The following HABP2 variants were observed in gnomAD, a reference collection of about 807,000 sequenced individuals.
The protein encoded by HABP2 is hyaluronan binding protein 2.
In HABP2, 65 loss-of-function variants were observed where a neutral mutation model predicts 66.5. That is an observed-to-expected ratio of 0.98 (90% CI 0.80 to 1.20). The LOEUF (loss-of-function observed/expected upper bound fraction) is 1.20, where lower values mean the gene tolerates loss of function less well. Ranked by LOEUF, HABP2 falls within the 50% of genes most tolerant of loss-of-function variation. The probability of loss-of-function intolerance (pLI) is 0.00; values close to 1 mark genes in which losing one functional copy is unlikely to be tolerated. For synonymous variants in HABP2, 263 were observed against 253.9 expected (o/e 1.04, Z -0.34); for missense variants, 786 against 691.0 (o/e 1.14, Z -1.54).
Position 113,577,961 on chromosome 10 carries a change from T to C in HABP2, c.449-65T>C, listed in dbSNP as rs747980965. The C allele has an allele frequency of 8.9e-5, 141 of 1,580,644 alleles. 1 individual carries two copies. The highest frequency in any genetic ancestry group is 1.2e-4 in the Non-Finnish European group (137 of 1,163,506). ...GTAGAATGCCACCAATGTCTCCTTG[T>C]CATCTCAGACATGGGCTGCAACTCC... is the stretch of plus-strand genomic sequence containing the variant. On this transcript the variant is annotated intron_variant, in intron 5 of 12. Transcript: ENST00000351270.
In HABP2 at chr10:113,580,702, A is replaced by G; in HGVS notation, c.838+10A>G. ...GCCTGCTCAGCCCAGGGTAAAGGCCATGGCTGTTCAGAAGCCCAGGGGGTG... is the reference window on the plus strand; with the variant it reads ...GCCTGCTCAGCCCAGGGTAAAGGCCGTGGCTGTTCAGAAGCCCAGGGGGTG... On this transcript the variant is annotated intron_variant, in intron 8 of 12. Transcript: ENST00000351270. 1 of 1,417,986 alleles carries G rather than the reference A, an allele frequency of 7.1e-7. No individual in the cohort carries two copies. Among genetic ancestry groups the G allele is most frequent in the African/African-American group, 1.4e-5 (1 of 71,020 alleles). The allele number at this position is 1,417,986 out of a possible 1,614,324, so 87.8% of individuals were successfully genotyped here. A position where few individuals can be genotyped will look rare whatever the true frequency, so the allele number is the denominator to read the frequency against.
chr10:113,571,958 T>C (rs1322040720), intron 2 of HABP2, among the ~76,000 whole-genome samples: 1 of 152,112 alleles, frequency 6.6e-6, no homozygotes, highest in Non-Finnish European at 1.5e-5. Context: ...CAAAATAAGG[T>C]TTAATCCTAG....
chr10:113,580,762 C>T lies in HABP2; in HGVS notation c.838+70C>T, dbSNP rs150362139. 8.2e-4 allele frequency: 655 copies of T among 800,598 alleles called. 11 individuals are homozygous for T. In the East Asian group the frequency reaches 0.014, roughly 17 times the overall value. The allele number at this position is 800,598 out of a possible 1,614,324, so 49.6% of individuals were successfully genotyped here. The stretch of plus-strand genomic sequence containing the variant: ...GAGATTTGTAGGGAGATGTCCCTGG[C>T]ACCTGGTCCCTCCCTCACCCTGTTC... On this transcript the variant is annotated intron_variant, in intron 8 of 12. Coordinates refer to ENST00000351270, the MANE Select transcript of HABP2 (RefSeq NM_004132.5).
chr10:113,575,565 C>T (rs761628161), intron 3 of HABP2, among the ~76,000 whole-genome samples: 37 of 152,230 alleles, frequency 2.4e-4, no homozygotes, highest in Middle Eastern at 6.8e-3. Flanking sequence ...CCCTGTGGCA[C>T]TCCCAGCAAG....
At chr10:113,569,603 G>A (rs1329885454) in intron 2 of HABP2, 1 of 152,378 alleles carries the variant, frequency 6.6e-6, no homozygotes, top group Non-Finnish European at 1.5e-5. Flanking sequence ...GGTGGAGGAG[G>A]TAGCCAGCAA....
chr10:113,564,850 C>CTTTTT (rs372619511), intron 1 of HABP2, among the ~76,000 whole-genome samples: 2 of 150,426 alleles, frequency 1.3e-5, no homozygotes. Flanking sequence ...GCATCTCTCT[C>CTTTTT]TTTTGTTTTT....
At chr10:113,576,758 G>A (rs1845418677) in intron 4 of HABP2, among the ~76,000 whole-genome samples, 1 of 152,096 alleles carries the variant, frequency 6.6e-6, no homozygotes, top group Admixed American at 6.5e-5. Context: ...AAATTTTTCA[G>A]GATGGTTGAG....
intron 1 of HABP2, among the ~76,000 whole-genome samples, chr10:113,558,027 C>G (rs113699490): frequency 1.3e-5 from 2 of 152,216 alleles, no homozygotes; most frequent in African/African-American, 2.4e-5. Context: ...GATCATCATG[C>G]CTGGCACTGC....
In HABP2 at chr10:113,584,282, G is replaced by T; in HGVS notation, c.1372G>T (p.Gly458Ter). The change falls in exon 11 of 13, where the codon GGA becomes TGA. Residue 458 changes from glycine to a stop codon, truncating the protein, a stop_gained and splice_region_variant. Coordinates refer to ENST00000351270, the MANE Select transcript of HABP2 (RefSeq NM_004132.5). LOFTEE classifies it high-confidence loss of function. ...CTCTGGCTGGGGTGTTACAGAAACAGGTGAGTCGGCCATGCACTCTCCCAT... is the reference window on the plus strand; with the variant it reads ...CTCTGGCTGGGGTGTTACAGAAACATGTGAGTCGGCCATGCACTCTCCCAT... ...HISGWGVTET[G>*]KGSRQLLDAK... The T allele has an allele frequency of 6.2e-7, 1 of 1,613,958 alleles. No homozygotes were observed. The highest frequency in any genetic ancestry group is 8.5e-7 in the Non-Finnish European group (1 of 1,179,818).
At chr10:113,579,330 G>A (rs1033850696) in intron 7 of HABP2, among the ~76,000 whole-genome samples, 1 of 152,150 alleles carries the variant, frequency 6.6e-6, no homozygotes, top group African/African-American at 2.4e-5. Flanking sequence ...GATGATGGCA[G>A]GGGATTCAGC....
chr10:113,577,541 G>A (rs557791515), intron 5 of HABP2, among the ~76,000 whole-genome samples: 1 of 152,310 alleles, frequency 6.6e-6, no homozygotes, highest in African/African-American at 2.4e-5. Context: ...GACCAAGTAG[G>A]GGAATGAATA....
chr10:113,572,858 G>C, intron 2 of HABP2: 1 of 237,312 alleles, frequency 4.2e-6, no homozygotes, highest in South Asian at 4.3e-5. Context: ...AACCAGAGTT[G>C]GCGTATTCAA....
rs767174806 is a variant in HABP2 at position 113,575,902 on chromosome 10, T to C, written c.229T>C (p.Cys77Arg). Residue 77 changes from cysteine (C) to arginine (R), a missense_variant, in exon 4 of 13, where the codon TGC becomes CGC. Transcript: ENST00000351270. ...CTTCTTCCTGTGTGTCTTAGATCCA[T>C]GCCAGCCCAACCCCTGTGAACACGG... Reference protein sequence around the residue: ...WYYTEDQADPCQPNPCEHGGD... With the variant: ...WYYTEDQADPRQPNPCEHGGD... 6.3e-7 allele frequency: 1 copy of C among 1,597,942 alleles called. No individual in the cohort carries two copies. Among genetic ancestry groups the C allele is most frequent in the Admixed American group, 1.7e-5 (1 of 59,934 alleles).
Position 113,589,124 on chromosome 10 carries a change from CCCCCACTCCCGG to C in HABP2, c.*760_*771del, listed in dbSNP as rs1465316489. The C allele has an allele frequency of 5.9e-6, 9 of 1,523,734 alleles. No homozygotes were observed. The highest frequency in any genetic ancestry group is 8.2e-6 in the Non-Finnish European group (9 of 1,101,938). 94.4% of individuals were successfully genotyped at this position (1,523,734 alleles called of 1,614,324 possible). ...CCCAAGTTAAAATGAAGCTCCCCCA[CCCCCACTCCCGG>C]CCCCGGTTCCCACAGGACACGCTAA... On this transcript the variant is annotated 3_prime_UTR_variant, in exon 13 of 13. Transcript: ENST00000351270.
chr10:113,584,653 GT>G (rs993768747), intron 11 of HABP2, among the ~76,000 whole-genome samples: 2 of 152,180 alleles, frequency 1.3e-5, no homozygotes, highest in Non-Finnish European at 2.9e-5. Flanking sequence ...GAACAACTGA[GT>G]TTTAGTTTCT....
chr10:113,560,918 C>T (rs1017906049), intron 1 of HABP2, among the ~76,000 whole-genome samples: 4 of 151,998 alleles, frequency 2.6e-5, no homozygotes, highest in African/African-American at 7.2e-5. Flanking sequence ...CTGGGGATGA[C>T]GAAAAAGTTT....
Position 113,589,144 on chromosome 10 carries a change from TC to T in HABP2, c.*778del. On this transcript the variant is annotated 3_prime_UTR_variant, in exon 13 of 13. Transcript: ENST00000351270. ...CCCCACCCCCACTCCCGGCCCCGGT[TC>T]CCACAGGACACGCTAAGAAGCACAG... 7.3e-7 allele frequency: 1 copy of T among 1,365,660 alleles called. No homozygotes were observed. Among genetic ancestry groups the T allele is most frequent in the Non-Finnish European group, 1.0e-6 (1 of 963,944 alleles). The allele number at this position is 1,365,660 out of a possible 1,614,324, so 84.6% of individuals were successfully genotyped here.
At position 113,574,386 on chromosome 10, in the gene HABP2, C is replaced by G. The variant is rs1355312353; in HGVS notation, c.204C>G (p.Tyr68Ter). ...TLTHAENPDWYYTEDQADPCQ... is the reference protein window; with the variant it reads ...TLTHAENPDW ...CCCACGCTGAGAATCCTGACTGGTA[C>G]TACACTGAGGACCAAGCTGGTAGGT... The change falls in exon 3 of 13, where the codon TAC (tyrosine) becomes TAG (stop). Residue 68 changes from tyrosine to a stop codon, truncating the protein, a stop_gained. Transcript: ENST00000351270. LOFTEE classifies it high-confidence loss of function. The G allele has an allele frequency of 5.1e-6, 8 of 1,555,326 alleles. No homozygotes were observed. Among genetic ancestry groups the G allele is most frequent in the South Asian group, 2.2e-5 (2 of 89,956 alleles).
rs539398084 is a variant in HABP2, at chr10:113,588,822, T to C, written c.*453T>C. 112 of 657,480 alleles carry C rather than the reference T, an allele frequency of 1.7e-4. No individual in the cohort carries two copies. Among genetic ancestry groups the C allele is most frequent in the African/African-American group, 1.6e-3 (90 of 55,250 alleles). The allele number at this position is 657,480 out of a possible 1,614,324, so 40.7% of individuals were successfully genotyped here. A position where few individuals can be genotyped will look rare whatever the true frequency, so the allele number is the denominator to read the frequency against. The stretch of plus-strand genomic sequence containing the variant: ...TCAGAGAGGACCACAAATACAACAT[T>C]CTCCATCTGCTTTCAGAGTTATTAT... On this transcript the variant is annotated 3_prime_UTR_variant, in exon 13 of 13. Coordinates refer to ENST00000351270, the MANE Select transcript of HABP2 (RefSeq NM_004132.5).
Sources: gnomAD v4.1 joint callset for allele counts (sites outside exome capture counted in the v4.1 genomes callset) on GRCh38, gnomAD v4.1.1 for gene constraint, MANE v1.5 for transcripts, NCBI Gene and HGNC (gene_info 2026-07-23, HGNC 2026-07-21) for gene names.